The following COL13A1 variants were observed in gnomAD, a reference collection of about 807,000 sequenced individuals.
COL13A1 encodes collagen alpha-1(XIII) chain.
In COL13A1, 89 loss-of-function variants were observed where a neutral mutation model predicts 130.9. The ratio of observed to expected loss-of-function variants is 0.68; its 90% CI spans 0.57 to 0.81. The LOEUF is 0.81. Ranked by LOEUF, COL13A1 falls within the 30% of genes least tolerant of loss-of-function variation. COL13A1 has a pLI of 0.00. For synonymous variants in COL13A1, 402 were observed against 341.6 expected, an observed-to-expected ratio of 1.18 and a Z score of -1.95; for missense variants, 879 against 934.6, an observed-to-expected ratio of 0.94 and a Z score of 0.78.
chr10:69,938,109 C>A (rs529314520), intron 34 of COL13A1, among the ~76,000 whole-genome samples: 6 of 152,316 alleles, frequency 3.9e-5, no homozygotes, highest in African/African-American at 1.4e-4. Flanking sequence ...CAGAGGGACC[C>A]CAAGAGAACT....
rs557116223 is a variant in COL13A1, at chr10:69,916,448, A to G, written c.922-841A>G. 3.3e-5 allele frequency among the ~76,000 whole-genome samples: 5 copies of G among 151,270 alleles called. No homozygotes were observed. In the East Asian group the frequency reaches 9.8e-4, roughly 30 times the overall value. ...CCCAGAGCCAGGAGCTGCCCTCCCC[A>G]CTCCCCTGATGTAGCCGATGATAGT... On this transcript the variant is annotated intron_variant, in intron 17 of 40. Transcript: ENST00000645393.
intron 36 of COL13A1, among the ~76,000 whole-genome samples, chr10:69,945,373 C>T (rs544943775): frequency 6.6e-6 from 1 of 152,372 alleles, no homozygotes; most frequent in East Asian, 1.9e-4. Flanking sequence ...TGCCTTCCTG[C>T]CCTGCTTTCT....
intron 10 of COL13A1, among the ~76,000 whole-genome samples, chr10:69,893,245 G>T (rs1465272349): frequency 6.6e-6 from 1 of 152,250 alleles, no homozygotes; most frequent in Non-Finnish European, 1.5e-5. Flanking sequence ...CTAGCTATTT[G>T]TGAGGCAGAG....
At chr10:69,936,164 GGAAGGAAGGAAGGAAAGGA>G (rs2066878470) in intron 32 of COL13A1, among the ~76,000 whole-genome samples, 2 of 7,038 alleles carry the variant, frequency 2.8e-4, no homozygotes, top group Admixed American at 2.3e-3. Flanking sequence ...AAGGAAGGAA[GGAAGGAAGGAAGGAAAGGA>G]AAGGAAGGAA....
At chr10:69,955,344 C>A (rs949879011) in intron 39 of COL13A1, 1 of 152,582 alleles carries the variant, frequency 6.6e-6, no homozygotes, top group African/African-American at 2.4e-5. Context: ...TCAACCAGGA[C>A]TTCCACCATC....
chr10:69,831,114 G>A lies in COL13A1; in HGVS notation c.364+8676G>A, dbSNP rs192822734. On this transcript the variant is annotated intron_variant, in intron 2 of 40. Transcript: ENST00000645393. ...TATTTAAATCATAAAGTTAATGAAC[G>A]GATGTTGTTGAATTAGAGGATGTTG... Among the ~76,000 whole-genome samples, 196 of 152,250 alleles carry A rather than the reference G, an allele frequency of 1.3e-3. 1 individual carries two copies. The highest frequency in any genetic ancestry group is 4.2e-3 in the African/African-American group (176 of 41,542).
intron 13 of COL13A1, chr10:69,897,648 C>A: frequency 2.7e-6 from 3 of 1,126,702 alleles, no homozygotes; most frequent in Non-Finnish European, 3.8e-6. Context: ...GCTCTGTGTG[C>A]CACTGCTGTC....
At chr10:69,810,019 C>T (rs1279414865) in intron 1 of COL13A1, among the ~76,000 whole-genome samples, 1 of 152,206 alleles carries the variant, frequency 6.6e-6, no homozygotes, top group Non-Finnish European at 1.5e-5. Context: ...TGCTGTTCTT[C>T]TACCTTACTG....
intron 3 of COL13A1, 69 bp from the exon 4 acceptor site, chr10:69,872,115 G>A (rs1411128938): frequency 6.3e-6 from 10 of 1,586,574 alleles, no homozygotes; most frequent in Non-Finnish European, 8.7e-6. Flanking sequence ...ACAGCTGGTT[G>A]AGACAGTGTT....
At chr10:69,857,988 T>C (rs2133749445) in intron 2 of COL13A1, among the ~76,000 whole-genome samples, 1 of 152,102 alleles carries the variant, frequency 6.6e-6, no homozygotes, top group Non-Finnish European at 1.5e-5. Context: ...TGGTGGCGCA[T>C]GCCTGTAGTC....
At chr10:69,890,820 C>G (rs767857917) in intron 10 of COL13A1, among the ~76,000 whole-genome samples, 1 of 152,256 alleles carries the variant, frequency 6.6e-6, no homozygotes, top group Non-Finnish European at 1.5e-5. Context: ...CAGCGTAACT[C>G]TGTGCTCCAG....
chr10:69,837,832 A>G (rs1208063417), intron 2 of COL13A1, among the ~76,000 whole-genome samples: 1 of 152,260 alleles, frequency 6.6e-6, no homozygotes, highest in Non-Finnish European at 1.5e-5. Context: ...TTCATTATCC[A>G]AAGGAAGCTG....
chr10:69,802,853 T>A (rs1324640500), intron 1 of COL13A1, 136 bp downstream of exon 1: 170 of 1,154,728 alleles, frequency 1.5e-4, no homozygotes, highest in Non-Finnish European at 2.0e-4. Flanking sequence ...GCGGGAGGGG[T>A]CGGGGACACG....
intron 2 of COL13A1, among the ~76,000 whole-genome samples, chr10:69,864,952 C>G (rs1859400615): frequency 6.6e-6 from 1 of 152,212 alleles, no homozygotes; most frequent in South Asian, 2.1e-4. Context: ...ATAGTTCTCC[C>G]TGCTGCAAGA....
intron 1 of COL13A1, among the ~76,000 whole-genome samples, chr10:69,815,038 A>T (rs1342787107): frequency 1.3e-5 from 2 of 152,190 alleles, no homozygotes; most frequent in Admixed American, 1.3e-4. Context: ...CCTCTGCGTT[A>T]TCTCATTCGG....
At chr10:69,937,550 C>T (rs1004111191) in intron 33 of COL13A1, 85 bp from the exon 34 acceptor site, 1 of 701,900 alleles carries the variant, frequency 1.4e-6, no homozygotes, top group Non-Finnish European at 2.6e-6. Context: ...CAAATGCCAC[C>T]CCAGCCTCCA....
At chr10:69,918,392 G>T in intron 19 of COL13A1, 75 bp downstream of exon 19, 1 of 1,485,040 alleles carries the variant, frequency 6.7e-7, no homozygotes, top group South Asian at 1.2e-5. Flanking sequence ...GGAAATCTTA[G>T]ACTCAGTGGG....
chr10:69,806,728 C>T (rs773271328), intron 1 of COL13A1, among the ~76,000 whole-genome samples: 8 of 152,166 alleles, frequency 5.3e-5, no homozygotes, highest in East Asian at 1.9e-4. Flanking sequence ...AATGCTGGGC[C>T]GGGTGCAGTG....
intron 1 of COL13A1, 116 bp downstream of exon 1, chr10:69,802,833 C>A: frequency 7.3e-7 from 1 of 1,361,802 alleles, no homozygotes; most frequent in Non-Finnish European, 1.0e-6. Flanking sequence ...CAGGTTCGCG[C>A]GAGTTGCCTG....
Sources: gnomAD v4.1 joint callset for allele counts (sites outside exome capture counted in the v4.1 genomes callset) on GRCh38, gnomAD v4.1.1 for gene constraint, MANE v1.5 for transcripts, NCBI Gene and HGNC (gene_info 2026-07-23, HGNC 2026-07-21) for gene names.